Variants in TMEM117 observed in about 807,000 individuals in gnomAD.
TMEM117 encodes transmembrane protein 117.
Under a neutral mutation model 52.4 loss-of-function variants are expected in TMEM117, and 27 were observed. The observed-to-expected ratio is 0.51, with a 90% CI of 0.38 to 0.71. The LOEUF is 0.71. Ranked by LOEUF, TMEM117 falls within the 30% of genes least tolerant of loss-of-function variation. The pLI, the probability that TMEM117 is intolerant of heterozygous loss-of-function variation, is 0.00. For missense variants in TMEM117, 556 were observed against 630.5 expected (o/e 0.88, Z 1.26); for synonymous variants, 215 against 206.3 (o/e 1.04, Z -0.36).
intron 4 of TMEM117, among the ~76,000 whole-genome samples, chr12:44,158,493 GC>G (rs1238519396): frequency 6.6e-6 from 1 of 152,072 alleles, no homozygotes; most frequent in Non-Finnish European, 1.5e-5. Context: ...AAACTCCATG[GC>G]TAAAAATATA....
At chr12:43,885,385 A>G (rs1211495891) in intron 2 of TMEM117, among the ~76,000 whole-genome samples, 2 of 149,294 alleles carry the variant, frequency 1.3e-5, no homozygotes, top group Non-Finnish European at 3.0e-5. Flanking sequence ...ATAGAGATTT[A>G]AGGGCCTCCC....
At chr12:43,886,724 A>G (rs775849305) in intron 2 of TMEM117, among the ~76,000 whole-genome samples, 1 of 152,120 alleles carries the variant, frequency 6.6e-6, no homozygotes, top group Non-Finnish European at 1.5e-5. Context: ...ACGTTATTTC[A>G]TTAGTCAGGT....
At chr12:44,149,890 G>GA (rs570734002) in intron 4 of TMEM117, among the ~76,000 whole-genome samples, 1 of 152,080 alleles carries the variant, frequency 6.6e-6, no homozygotes, top group African/African-American at 2.4e-5. Flanking sequence ...CTTCATAATA[G>GA]AAAAAAAATT....
intron 5 of TMEM117, among the ~76,000 whole-genome samples, chr12:44,270,024 G>T (rs1321143645): frequency 1.3e-5 from 2 of 152,042 alleles, no homozygotes; most frequent in Non-Finnish European, 2.9e-5. Flanking sequence ...TGACTAAATT[G>T]TTGTCATTTA....
chr12:43,883,105 CT>C, intron 2 of TMEM117, among the ~76,000 whole-genome samples: 1 of 151,974 alleles, frequency 6.6e-6, no homozygotes. Flanking sequence ...GAGAAGAGTT[CT>C]ATATTTTTGT....
At chr12:44,014,131 T>C (rs1305138650) in intron 3 of TMEM117, among the ~76,000 whole-genome samples, 1 of 151,922 alleles carries the variant, frequency 6.6e-6, no homozygotes, top group Non-Finnish European at 1.5e-5. Flanking sequence ...AGTCCCCCTG[T>C]CCCCCACAGC....
intron 4 of TMEM117, among the ~76,000 whole-genome samples, chr12:44,207,928 C>T (rs191964515): frequency 0.011 from 1,742 of 152,182 alleles, 22 homozygotes; most frequent in South Asian, 0.052. Context: ...ATTGACTTCT[C>T]TTCCTCCATT....
chr12:44,031,352 T>C (rs904964561), intron 3 of TMEM117, among the ~76,000 whole-genome samples: 1 of 152,190 alleles, frequency 6.6e-6, no homozygotes, highest in Non-Finnish European at 1.5e-5. Flanking sequence ...TCCTAGAATG[T>C]TTTGCCATCC....
At chr12:44,269,440 T>C (rs1025991122) in intron 5 of TMEM117, among the ~76,000 whole-genome samples, 2 of 152,082 alleles carry the variant, frequency 1.3e-5, no homozygotes, top group African/African-American at 4.8e-5. Flanking sequence ...TTTACTGTCT[T>C]ATATTACTAC....
intron 6 of TMEM117, among the ~76,000 whole-genome samples, chr12:44,301,174 C>A (rs1950834734): frequency 6.6e-6 from 1 of 152,118 alleles, no homozygotes; most frequent in South Asian, 2.1e-4. Context: ...TTGTCCATTA[C>A]CATCCTCATG....
chr12:44,317,275 C>G (rs1452792416), intron 6 of TMEM117, among the ~76,000 whole-genome samples: 1 of 144,266 alleles, frequency 6.9e-6, no homozygotes, highest in Non-Finnish European at 1.5e-5. Context: ...TTTCCCCTTT[C>G]TTTCCCTATT....
chr12:44,154,689 A>G (rs1044649212), intron 4 of TMEM117, among the ~76,000 whole-genome samples: 2 of 151,920 alleles, frequency 1.3e-5, no homozygotes, highest in African/African-American at 4.8e-5. Context: ...TTGAAAAAAA[A>G]AGAAGGCATT....
At chr12:43,891,010 A>G in intron 2 of TMEM117, among the ~76,000 whole-genome samples, 1 of 151,936 alleles carries the variant, frequency 6.6e-6, no homozygotes, top group South Asian at 2.1e-4. Flanking sequence ...ATTGATTCCT[A>G]ATGATTTCCC....
At chr12:44,320,127 C>A (rs974685534) in intron 6 of TMEM117, among the ~76,000 whole-genome samples, 1 of 152,188 alleles carries the variant, frequency 6.6e-6, no homozygotes, top group Non-Finnish European at 1.5e-5. Context: ...TGTCTAAAAC[C>A]AAGCTATCAT....
At chr12:44,306,192 A>C (rs533971829) in intron 6 of TMEM117, among the ~76,000 whole-genome samples, 1 of 151,798 alleles carries the variant, frequency 6.6e-6, no homozygotes, top group East Asian at 1.9e-4. Flanking sequence ...TCTCCTGGGC[A>C]ACAGGGCCAT....
Position 44,210,558 on chromosome 12 carries a change from A to G in TMEM117, c.511-732A>G, listed in dbSNP as rs963223199. 7.9e-5 allele frequency among the ~76,000 whole-genome samples: 12 copies of G among 152,302 alleles called. No individual in the cohort carries two copies. In the East Asian group the frequency reaches 2.3e-3, roughly 29 times the overall value. On this transcript the variant is annotated intron_variant, in intron 4 of 7. Coordinates refer to ENST00000266534, the MANE Select transcript of TMEM117 (RefSeq NM_032256.3). ...AAGAGGTAGAAAGATCTTCACTGGCAAGGATTTCAAAGCCTAGTGAAGAGA... is the reference window on the plus strand; with the variant it reads ...AAGAGGTAGAAAGATCTTCACTGGCGAGGATTTCAAAGCCTAGTGAAGAGA...
intron 4 of TMEM117, among the ~76,000 whole-genome samples, chr12:44,193,390 A>G (rs1341446410): frequency 6.6e-6 from 1 of 152,250 alleles, no homozygotes; most frequent in African/African-American, 2.4e-5. Context: ...GGATATCTTT[A>G]GAGACCAAAA....
chr12:43,995,338 GC>G (rs993160945), intron 3 of TMEM117, among the ~76,000 whole-genome samples: 1 of 151,752 alleles, frequency 6.6e-6, no homozygotes, highest in Non-Finnish European at 1.5e-5. Flanking sequence ...TGACTCTGAA[GC>G]CTGTGGTTTT....
intron 3 of TMEM117, among the ~76,000 whole-genome samples, chr12:44,078,244 A>G (rs935122844): frequency 1.6e-4 from 25 of 152,236 alleles, no homozygotes; most frequent in African/African-American, 5.8e-4. Context: ...TTCAGAGCAG[A>G]GAGATATGCC....
Sources: allele counts gnomAD v4.1 joint callset (sites outside exome capture counted in the v4.1 genomes callset), GRCh38; gene constraint gnomAD v4.1.1; transcripts MANE v1.5; gene names NCBI Gene and HGNC (gene_info 2026-07-23, HGNC 2026-07-21).